UBAP2: variants seen among roughly 807,000 people sequenced by gnomAD.
The protein encoded by UBAP2 is ubiquitin associated protein 2.
In UBAP2, 75 loss-of-function variants were observed where a neutral mutation model predicts 139.6. The ratio of observed to expected loss-of-function variants is 0.54; its 90% CI spans 0.45 to 0.65. The LOEUF is 0.65. UBAP2 is among the 30% of genes least tolerant of loss of function. The pLI is 0.00. For synonymous variants in UBAP2, 526 were observed against 526.2 expected (o/e 1.00, Z 0.01); for missense variants, 1,368 against 1,369.6 (o/e 1.00, Z 0.02).
intron 6 of UBAP2, among the ~76,000 whole-genome samples, chr9:33,984,258 G>GTATC (rs1389249865): frequency 6.6e-6 from 1 of 152,100 alleles, no homozygotes; most frequent in Non-Finnish European, 1.5e-5. Context: ...CATTAAGGAA[G>GTATC]TATCATCTAA....
At chr9:33,924,724 G>A (rs1465657975) in intron 22 of UBAP2, among the ~76,000 whole-genome samples, 2 of 152,200 alleles carry the variant, frequency 1.3e-5, no homozygotes, top group Admixed American at 1.3e-4. Context: ...GGCAGTGCCA[G>A]GTAGGCACGG....
chr9:33,926,503 G>T, intron 22 of UBAP2, 114 bp downstream of exon 22: 1 of 1,186,976 alleles, frequency 8.4e-7, no homozygotes, highest in Non-Finnish European at 1.3e-6. Context: ...GTGCTGAGAG[G>T]TTCCTCAGGC....
At chr9:34,025,083 C>A (rs1007923286) in intron 1 of UBAP2, among the ~76,000 whole-genome samples, 1 of 152,116 alleles carries the variant, frequency 6.6e-6, no homozygotes, top group African/African-American at 2.4e-5. Context: ...ATTGTTACCA[C>A]CACTGAACTG....
Position 33,927,818 on chromosome 9 carries a change from C to G in UBAP2, c.2350G>C (p.Ala784Pro). 1 of 1,613,156 alleles carries G rather than the reference C, an allele frequency of 6.2e-7. No individual in the cohort carries two copies. Among genetic ancestry groups the G allele is most frequent in the Non-Finnish European group, 8.5e-7 (1 of 1,179,640 alleles). ...ATACCTGAGGTCACCAAGGGCGCGG[C>G]CCTGCTACTGCTGCTGGATGCACTC... ...PASASSSSSR[A>P]APLVTSGKAP... The change falls in exon 20 of 29, where the codon GCC becomes CCC. Residue 784 changes from alanine to proline, a missense_variant. Coordinates refer to ENST00000379238, the MANE Select transcript of UBAP2 (RefSeq NM_001370062.2).
chr9:34,041,462 C>T (rs1454795021), intron 1 of UBAP2, among the ~76,000 whole-genome samples: 5 of 102,046 alleles, frequency 4.9e-5, no homozygotes, highest in Admixed American at 2.1e-4. Flanking sequence ...CAAACTCCAT[C>T]TCAAAAAAAA....
At chr9:33,946,341 C>T (rs1564025092) in intron 13 of UBAP2, among the ~76,000 whole-genome samples, 1 of 152,174 alleles carries the variant, frequency 6.6e-6, no homozygotes, top group Non-Finnish European at 1.5e-5. Flanking sequence ...AGGTCTCCCT[C>T]ACACAGAACA....
At chr9:33,967,247 TA>T (rs1409436351) in intron 8 of UBAP2, among the ~76,000 whole-genome samples, 2 of 152,220 alleles carry the variant, frequency 1.3e-5, no homozygotes, top group Non-Finnish European at 2.9e-5. Context: ...ATAATTTGTC[TA>T]CAGATTCTTT....
At chr9:34,030,435 C>T (rs1294502008) in intron 1 of UBAP2, among the ~76,000 whole-genome samples, 1 of 151,798 alleles carries the variant, frequency 6.6e-6, no homozygotes, top group South Asian at 2.1e-4. Flanking sequence ...GGCGACAGAG[C>T]CAGATTCCAT....
rs535100718 is a variant in UBAP2 at position 33,932,572 on chromosome 9, G to A, written c.2165C>T (p.Thr722Met). The A allele has an allele frequency of 7.2e-5, 117 of 1,614,018 alleles. No homozygotes were observed. Among genetic ancestry groups the A allele is most frequent in the Non-Finnish European group, 9.3e-5 (110 of 1,180,032 alleles). Residue 722 changes from threonine (T) to methionine (M), a missense_variant, in exon 19 of 29, where the codon ACG becomes ATG. Physicochemically the swap from Thr to Met is moderately conservative, Grantham distance 81. Coordinates refer to ENST00000379238, the MANE Select transcript of UBAP2 (RefSeq NM_001370062.2). ...CGCGCAGACACTTACTGTGTGTGAC[G>A]TGCTCGAGGAGAGGGCTGCATGTGC... ...LSAHAALSSS[T>M]SHTHASVESA...
intron 6 of UBAP2, among the ~76,000 whole-genome samples, chr9:33,981,394 T>C (rs1253044866): frequency 6.7e-6 from 1 of 150,166 alleles, no homozygotes; most frequent in Non-Finnish European, 1.5e-5. Flanking sequence ...GCTTAAAATA[T>C]CTGAAGGCTG....
intron 1 of UBAP2, among the ~76,000 whole-genome samples, chr9:34,025,383 G>A (rs1825318707): frequency 3.3e-5 from 5 of 152,132 alleles, no homozygotes; most frequent in Admixed American, 3.3e-4. Flanking sequence ...AAATAATCCA[G>A]TAGAAACTCA....
At chr9:34,010,138 A>C (rs1199828182) in intron 2 of UBAP2, among the ~76,000 whole-genome samples, 1 of 144,642 alleles carries the variant, frequency 6.9e-6, no homozygotes, top group African/African-American at 2.5e-5. Context: ...AAAAAAAAAA[A>C]AACAGCCAGG....
chr9:34,031,556 C>T (rs1825891055), intron 1 of UBAP2, among the ~76,000 whole-genome samples: 1 of 152,012 alleles, frequency 6.6e-6, no homozygotes, highest in Non-Finnish European at 1.5e-5. Flanking sequence ...ATCCACCCGC[C>T]TCGGCCTCCC....
intron 4 of UBAP2, among the ~76,000 whole-genome samples, chr9:33,990,575 T>C (rs577904734): frequency 6.6e-6 from 1 of 152,210 alleles, no homozygotes; most frequent in South Asian, 2.1e-4. Flanking sequence ...TATCATACAG[T>C]TCTGGTGAGC....
At chr9:33,926,467 A>G in intron 22 of UBAP2, 150 bp downstream of exon 22, 1 of 836,814 alleles carries the variant, frequency 1.2e-6, no homozygotes, top group Non-Finnish European at 2.0e-6. Context: ...CACAACCGCC[A>G]GATGAAAACA....
At position 33,922,846 on chromosome 9, in the gene UBAP2, C is replaced by T. The variant is rs368110650; in HGVS notation, c.3105G>A (p.Thr1035=). 4.4e-5 allele frequency: 69 copies of T among 1,582,856 alleles called. 1 individual carries two copies. The highest frequency in any genetic ancestry group is 1.9e-4 in the South Asian group (16 of 85,846). Residue 1035 remains threonine (T), a synonymous_variant, in exon 28 of 29, where the codon ACG becomes ACA. Transcript: ENST00000379238. ...TFDKQGFHAG[T]PPPFSLPSVL... is the part of the protein sequence containing the mutation. ...CCGAGGGCAGGCTGAAAGGTGGAGGCGTCCCTGCATGAAATCCCTGCTTGT... is the reference window on the plus strand; with the variant it reads ...CCGAGGGCAGGCTGAAAGGTGGAGGTGTCCCTGCATGAAATCCCTGCTTGT...
intron 1 of UBAP2, among the ~76,000 whole-genome samples, chr9:34,040,457 A>T (rs1229947006): frequency 6.6e-6 from 1 of 152,124 alleles, no homozygotes. Context: ...TCCATGCTCT[A>T]GTTAAAGAGG....
rs1422203300 is a variant in UBAP2, at chr9:33,957,832, A to G, written c.799-1686T>C. On this transcript the variant is annotated intron_variant, in intron 10 of 28. Coordinates refer to ENST00000379238, the MANE Select transcript of UBAP2 (RefSeq NM_001370062.2). ...CATACTATGTGTAAGCAGGAGGTAGAGGAGACAGTAGGTGTTCATTTTCTT... is the reference window on the plus strand; with the variant it reads ...CATACTATGTGTAAGCAGGAGGTAGGGGAGACAGTAGGTGTTCATTTTCTT... 2.0e-5 allele frequency among the ~76,000 whole-genome samples: 3 copies of G among 152,202 alleles called. No individual in the cohort carries two copies. In the East Asian group the frequency reaches 5.8e-4, roughly 29 times the overall value.
rs1161085227 is a variant in UBAP2 at position 33,923,798 on chromosome 9, CAT to C, written c.2791_2792del (p.Met931ValfsTer37). On this transcript the variant is annotated frameshift_variant, in exon 24 of 29. Transcript: ENST00000379238. LOFTEE classifies it high-confidence loss of function. ...TCACACCCTCTGAAATACTCACAAACATGGTGGGGCCATACTGGAAGGCACTG... is the reference window on the plus strand; with the variant it reads ...TCACACCCTCTGAAATACTCACAAACGGTGGGGCCATACTGGAAGGCACTG... ...MPSAFQYGPTMFVPPASAKQH... is the reference protein window; with the variant it reads ...MPSAFQYGPTXFVPPASAKQH... The C allele has an allele frequency of 1.9e-6, 3 of 1,613,960 alleles. No individual in the cohort carries two copies. The African/African-American group carries it at 4.0e-5, about 22-fold the overall frequency.
Sources: allele counts gnomAD v4.1 joint callset (sites outside exome capture counted in the v4.1 genomes callset), GRCh38; gene constraint gnomAD v4.1.1; transcripts MANE v1.5; gene names NCBI Gene and HGNC (gene_info 2026-07-23, HGNC 2026-07-21).